CHM: variants seen among roughly 807,000 people sequenced by gnomAD.
The protein encoded by CHM is CHM Rab escort protein.
A neutral mutation model predicts 49.0 loss-of-function variants in CHM; 10 were observed. The ratio of observed to expected loss-of-function variants is 0.20; its 90% CI spans 0.13 to 0.35. CHM has a LOEUF of 0.35. CHM is among the 10% of genes least tolerant of loss of function. CHM has a pLI of 1.00. For synonymous variants in CHM, 184 were observed against 167.5 expected, an observed-to-expected ratio of 1.10 and a Z score of -0.76; for missense variants, 455 against 478.4, an observed-to-expected ratio of 0.95 and a Z score of 0.46.
intron 1 of CHM, among the ~76,000 whole-genome samples, chrX:86,045,540 T>C (rs987043482): frequency 4.5e-5 from 5 of 111,552 alleles, no homozygotes; most frequent in Non-Finnish European, 9.4e-5. Context: ...CACTGAAAAA[T>C]AACATTGCAC....
intron 2 of CHM, among the ~76,000 whole-genome samples, chrX:85,994,350 C>T (rs1056508407): frequency 1.8e-5 from 2 of 112,013 alleles, no homozygotes; most frequent in Admixed American, 9.5e-5. Flanking sequence ...ACAGCCAGCA[C>T]ACTTCTGCAA....
At chrX:85,896,932 C>T (rs772828320) in intron 11 of CHM, among the ~76,000 whole-genome samples, 207 of 90,193 alleles carry the variant, frequency 2.3e-3, no homozygotes, top group African/African-American at 7.8e-3. Flanking sequence ...ATATGTAATA[C>T]GTAATACATA....
intron 2 of CHM, among the ~76,000 whole-genome samples, chrX:86,000,843 G>A (rs1199685257): frequency 1.8e-5 from 2 of 111,560 alleles, no homozygotes; most frequent in African/African-American, 6.5e-5. Context: ...CAGAGGCTGG[G>A]AAGGAAAGGG....
chrX:85,981,810 C>T lies in CHM; in HGVS notation c.117-1G>A. The T allele has an allele frequency of 9.7e-7, 1 of 1,029,547 alleles. No individual in the cohort carries two copies. The highest frequency in any genetic ancestry group is 2.1e-5 in the South Asian group (1 of 47,575). The allele number at this position is 1,029,547 out of a possible 1,213,427, so 84.8% of individuals were successfully genotyped here. ...CCAGTTTCCTCCATAGTAGCTTCTT[C>T]TGTAACAATTAAAAAAAAAAAAAAA... On this transcript the variant is annotated splice_acceptor_variant, in intron 2 of 14. Coordinates refer to ENST00000357749, the MANE Select transcript of CHM (RefSeq NM_000390.4). LOFTEE classifies it high-confidence loss of function.
At chrX:85,869,318 TATA>T (rs1156486734) in intron 14 of CHM, among the ~76,000 whole-genome samples, 1 of 111,362 alleles carries the variant, frequency 9.0e-6, no homozygotes, top group African/African-American at 3.3e-5. Context: ...TAAGTATAAA[TATA>T]ATAATTATTA....
intron 1 of CHM, among the ~76,000 whole-genome samples, chrX:86,028,645 T>C (rs933860797): frequency 8.9e-6 from 1 of 111,886 alleles, no homozygotes; most frequent in Non-Finnish European, 1.9e-5. Context: ...AAAATTCAAG[T>C]TTTCTATTTG....
intron 8 of CHM, among the ~76,000 whole-genome samples, chrX:85,920,554 CCAA>C (rs1161386517): frequency 8.9e-6 from 1 of 112,038 alleles, no homozygotes; most frequent in East Asian, 2.8e-4. Flanking sequence ...GGGCACACAG[CCAA>C]CAACAACAAC....
At chrX:85,956,904 A>AC in intron 7 of CHM, among the ~76,000 whole-genome samples, 1 of 111,608 alleles carries the variant, frequency 9.0e-6, no homozygotes, top group Non-Finnish European at 1.9e-5. Context: ...AACATACGGG[A>AC]CCCCCAGAAG....
chrX:85,885,430 T>G (rs1925026456), intron 12 of CHM, among the ~76,000 whole-genome samples: 1 of 110,432 alleles, frequency 9.1e-6, no homozygotes, highest in Non-Finnish European at 1.9e-5. Flanking sequence ...TACTGAAGAA[T>G]TCCCATAATT....
intron 1 of CHM, among the ~76,000 whole-genome samples, chrX:86,046,879 C>T (rs905602174): frequency 1.8e-5 from 2 of 111,389 alleles, no homozygotes; most frequent in Non-Finnish European, 3.8e-5. Flanking sequence ...GCTTTAAGCA[C>T]CATAAAGCAG....
Position 85,958,743 on chromosome X carries a change from G to C in CHM, c.819+118C>G. ...AGCATTTACATTTGTAAATCACCAC[G>C]GAGGACTGGAATTTACTGCTTTATG... is the stretch of plus-strand genomic sequence containing the variant. On this transcript the variant is annotated intron_variant, in intron 6 of 14. Transcript: ENST00000357749. 3 of 1,086,133 alleles carry C rather than the reference G, an allele frequency of 2.8e-6. 1 individual carries two copies. In the South Asian group the frequency reaches 5.9e-5, roughly 22 times the overall value. The allele number at this position is 1,086,133 out of a possible 1,213,427, so 89.5% of individuals were successfully genotyped here. A position where few individuals can be genotyped will look rare whatever the true frequency, so the allele number is the denominator to read the frequency against.
intron 1 of CHM, among the ~76,000 whole-genome samples, chrX:86,039,445 ATAAAATGAT>A (rs1420568079): frequency 9.2e-6 from 1 of 108,913 alleles, no homozygotes; most frequent in East Asian, 2.9e-4. Context: ...TCAAAGCAAT[ATAAAATGAT>A]TAAAACCACC....
chrX:85,913,756 A>C (rs1182384645), intron 8 of CHM, among the ~76,000 whole-genome samples: 2 of 111,239 alleles, frequency 1.8e-5, no homozygotes, highest in Non-Finnish European at 3.8e-5. Flanking sequence ...ATTACAAAAC[A>C]GTGGGGAAAG....
At chrX:85,935,092 C>A (rs1712696399) in intron 8 of CHM, among the ~76,000 whole-genome samples, 1 of 111,472 alleles carries the variant, frequency 9.0e-6, no homozygotes, top group African/African-American at 3.3e-5. Context: ...AACATGGTGC[C>A]AGCATCTGCT....
intron 8 of CHM, among the ~76,000 whole-genome samples, chrX:85,947,294 T>C (rs1407588932): frequency 8.9e-6 from 1 of 112,120 alleles, no homozygotes; most frequent in Non-Finnish European, 1.9e-5. Context: ...ATTGGAGGTG[T>C]GAAGCCTATT....
intron 5 of CHM, among the ~76,000 whole-genome samples, chrX:85,963,390 G>C (rs774540533): frequency 8.9e-6 from 1 of 112,504 alleles, no homozygotes; most frequent in Non-Finnish European, 1.9e-5. Context: ...TCTTTTGATA[G>C]AATTCATAGT....
At chrX:86,024,764 A>G (rs1172413961) in intron 2 of CHM, among the ~76,000 whole-genome samples, 1 of 112,490 alleles carries the variant, frequency 8.9e-6, no homozygotes, top group Non-Finnish European at 1.9e-5. Flanking sequence ...TATTATCAAA[A>G]TCATCTGAAT....
intron 8 of CHM, among the ~76,000 whole-genome samples, chrX:85,952,024 T>G (rs1466121223): frequency 8.9e-6 from 1 of 112,170 alleles, no homozygotes; most frequent in Non-Finnish European, 1.9e-5. Flanking sequence ...GGACCAGCCC[T>G]AGCAAGAAAG....
intron 8 of CHM, among the ~76,000 whole-genome samples, chrX:85,947,479 G>A (rs1000769229): frequency 9.0e-6 from 1 of 111,122 alleles, no homozygotes; most frequent in Non-Finnish European, 1.9e-5. Context: ...CTGCCCTTTC[G>A]CCTTCCATCA....
Sources: gnomAD v4.1 joint callset for allele counts (sites outside exome capture counted in the v4.1 genomes callset) on GRCh38, gnomAD v4.1.1 for gene constraint, MANE v1.5 for transcripts, NCBI Gene and HGNC (gene_info 2026-07-23, HGNC 2026-07-21) for gene names.